TACC3: variants seen among roughly 807,000 people sequenced by gnomAD.
The protein encoded by TACC3 is transforming acidic coiled-coil-containing protein 3.
In TACC3, 52 loss-of-function variants were observed where a neutral mutation model predicts 86.0. The observed-to-expected ratio is 0.60, with a 90% confidence interval of 0.48 to 0.76. The LOEUF is 0.76. Among genes scored for constraint, TACC3 ranks in the 30% least tolerant of loss-of-function variants. TACC3 has a pLI of 0.00. For synonymous variants in TACC3, 512 were observed against 430.0 expected (o/e 1.19, Z -2.36); for missense variants, 1,120 against 1,070.4 (o/e 1.05, Z -0.65).
chr4:1,728,894 G>T, intron 4 of TACC3, 107 bp downstream of exon 4: 1 of 1,160,144 alleles, frequency 8.6e-7, no homozygotes, highest in Non-Finnish European at 1.2e-6. Flanking sequence ...CTTTGAGGCC[G>T]GGTAGGTTCT....
At chr4:1,740,705 A>C in intron 12 of TACC3, 121 bp from the exon 13 acceptor site, 1 of 837,672 alleles carries the variant, frequency 1.2e-6, no homozygotes, top group South Asian at 1.7e-5. Flanking sequence ...TCCGAGGCTC[A>C]CACCCACTGC....
At chr4:1,724,419 C>G in intron 3 of TACC3, among the ~76,000 whole-genome samples, 1 of 114,476 alleles carries the variant, frequency 8.7e-6, no homozygotes, top group Non-Finnish European at 1.7e-5. Flanking sequence ...GAGACAGAGT[C>G]TGGCTCTGTC....
chr4:1,735,602 TGGGTGACCGGGGGTGGGAGTGTGC>T lies in TACC3; in HGVS notation c.1645-104_1645-81del, dbSNP rs367567812. The T allele has an allele frequency of 7.9e-3, 6,477 of 816,884 alleles. 254 individuals are homozygous for T. In the African/African-American group the frequency reaches 0.084, roughly 11 times the overall value. The allele number at this position is 816,884 out of a possible 1,614,324, so 50.6% of individuals were successfully genotyped here. ...AATGGTGGTGTCTCGGGCAGGGTTG[TGGGTGACCGGGGGTGGGAGTGTGC>T]GGGTGACCGGGGGTGGGAGTGTGCA... On this transcript the variant is annotated intron_variant, in intron 7 of 15. Transcript: ENST00000313288. This position sits in a 1 kb window ranked among gnomAD's most constrained non-coding sequence, Gnocchi z 4.2.
At chr4:1,728,891 G>A (rs1232638555) in intron 4 of TACC3, 104 bp downstream of exon 4, 2 of 1,201,976 alleles carry the variant, frequency 1.7e-6, no homozygotes, top group Non-Finnish European at 2.3e-6. Flanking sequence ...CTCCTTTGAG[G>A]CCGGGTAGGT....
At chr4:1,736,520 G>A (rs752760564) in intron 8 of TACC3, among the ~76,000 whole-genome samples, 8 of 150,370 alleles carry the variant, frequency 5.3e-5, no homozygotes, top group Admixed American at 2.7e-4. Flanking sequence ...AAGTTTTATC[G>A]TCACAGAGCC....
intron 6 of TACC3, among the ~76,000 whole-genome samples, chr4:1,733,155 A>T (rs547565229): frequency 6.6e-6 from 1 of 152,008 alleles, no homozygotes; most frequent in Non-Finnish European, 1.5e-5. Flanking sequence ...TGCGGTTTTG[A>T]TTTGCAGTTC....
At chr4:1,734,799 A>G (rs935926638) in intron 6 of TACC3, among the ~76,000 whole-genome samples, 10 of 151,912 alleles carry the variant, frequency 6.6e-5, no homozygotes, top group Non-Finnish European at 1.2e-4. Flanking sequence ...GCCTCCCTGT[A>G]ATAGGAGTGC....
chr4:1,720,945 C>T (rs1717296818), upstream of TACC3: 3 of 910,666 alleles, frequency 3.3e-6, no homozygotes, highest in Non-Finnish European at 3.0e-6. The surrounding 1 kb of genome is among the most constrained non-coding windows in gnomAD (Gnocchi z 4.4). Flanking sequence ...CGCCCGGCCG[C>T]CCGCGGGGCA....
chr4:1,728,385 C>A lies in TACC3; in HGVS notation c.983C>A (p.Ala328Asp), dbSNP rs1717818709. The change falls in exon 4 of 16, where the codon GCC (alanine) becomes GAC (aspartate). Residue 328 changes from alanine (A) to aspartate (D), a missense_variant. Ala to Asp is a moderately radical substitution (Grantham distance 126, BLOSUM62 -2). Coordinates refer to ENST00000313288, the MANE Select transcript of TACC3 (RefSeq NM_006342.3). ...PQEEVAAGQM[A>D]SSSRSGPVKL... ...GAAGAAGTGGCTGCAGGCCAAATGG[C>A]CAGCTCCTCGAGGAGCGGACCTGTA... 1 of 1,613,060 alleles carries A rather than the reference C, an allele frequency of 6.2e-7. No individual in the cohort carries two copies. Among genetic ancestry groups the A allele is most frequent in the Non-Finnish European group, 8.5e-7 (1 of 1,180,004 alleles).
chr4:1,720,912 G>T (rs1346467948), upstream of TACC3: 1 of 1,288,638 alleles, frequency 7.8e-7, no homozygotes, highest in Non-Finnish European at 1.0e-6. The surrounding 1 kb of genome is among the most constrained non-coding windows in gnomAD (Gnocchi z 4.4). Flanking sequence ...CCCAGTCCCG[G>T]ACCTGTCGGT....
chr4:1,730,513 C>T (rs1406264324), intron 4 of TACC3: 5 of 403,390 alleles, frequency 1.2e-5, no homozygotes, highest in Non-Finnish European at 2.5e-5. Context: ...TGGTGTCTTG[C>T]CTTGGCCCCT....
chr4:1,723,368 A>G, intron 1 of TACC3, 53 bp from the exon 2 acceptor site: 2 of 1,577,768 alleles, frequency 1.3e-6, no homozygotes. Flanking sequence ...CTGTGTCTGG[A>G]CAATGTGGTA....
intron 3 of TACC3, among the ~76,000 whole-genome samples, chr4:1,726,466 ATC>A (rs1380354459): frequency 1.3e-5 from 2 of 152,190 alleles, no homozygotes; most frequent in East Asian, 3.8e-4. Flanking sequence ...CCCAGGACTG[ATC>A]TGTTGGGCAT....
Position 1,723,844 on chromosome 4 carries a change from A to C in TACC3, c.279A>C (p.Ser93=). 6.2e-7 allele frequency: 1 copy of C among 1,613,420 alleles called. No individual in the cohort carries two copies. Among genetic ancestry groups the C allele is most frequent in the Non-Finnish European group, 8.5e-7 (1 of 1,179,940 alleles). ...TQDDTLGLEN[S]HPVWTQKENQ... ...ATGACACCCTTGGACTGGAAAACTC[A>C]CACCCGGTCTGGACACAGAAAGAGA... The change falls in exon 3 of 16, where the codon TCA becomes TCC. Residue 93 remains serine, a synonymous_variant. Coordinates refer to ENST00000313288, the MANE Select transcript of TACC3 (RefSeq NM_006342.3).
chr4:1,723,553 G>A lies in TACC3; in HGVS notation c.132G>A (p.Val44=), dbSNP rs1020787438. The A allele has an allele frequency of 3.7e-6, 6 of 1,613,626 alleles. No individual in the cohort carries two copies. Among genetic ancestry groups the A allele is most frequent in the Non-Finnish European group, 4.2e-6 (5 of 1,179,904 alleles). Residue 44 remains valine, a synonymous_variant, in exon 2 of 16, where the codon GTG becomes GTA. Coordinates refer to ENST00000313288, the MANE Select transcript of TACC3 (RefSeq NM_006342.3). ...TTCGTGTGTCACAGAAAGAAAATGT[G>A]CCACCCAAGAACCTGGCCAAAGCTA... is the stretch of plus-strand genomic sequence containing the variant. The part of the protein sequence containing the change: ...SVLRVSQKEN[V]PPKNLAKAMK...
upstream of TACC3, chr4:1,721,449 C>G (rs955904829): frequency 2.0e-5 from 3 of 152,102 alleles, no homozygotes; most frequent in Non-Finnish European, 4.4e-5. Context: ...GCGGTCCTGC[C>G]CCCGGCCGCG....
intron 13 of TACC3, chr4:1,741,428 GTCC>G (rs1185614987): frequency 1.9e-5 from 3 of 153,960 alleles, no homozygotes; most frequent in Non-Finnish European, 2.9e-5. Flanking sequence ...CCACCCTGGT[GTCC>G]TCCTGGCCAC....
At chr4:1,722,244 T>G (rs1171744878) in intron 1 of TACC3, among the ~76,000 whole-genome samples, 1 of 152,188 alleles carries the variant, frequency 6.6e-6, no homozygotes. Context: ...AGGCTGGGTC[T>G]GCTGCTCTCC....
At chr4:1,720,689 G>A (rs764958908), upstream of TACC3, 1 of 1,552,602 alleles carries the variant, frequency 6.4e-7, no homozygotes, top group Non-Finnish European at 8.7e-7. This position sits in a 1 kb window ranked among gnomAD's most constrained non-coding sequence, Gnocchi z 4.4. Context: ...CAAGTGGAAG[G>A]GCACGAAGGC....
Sources: gnomAD v4.1 joint callset for allele counts (sites outside exome capture counted in the v4.1 genomes callset) on GRCh38, gnomAD v4.1.1 for gene constraint, Gnocchi (gnomAD v3.1) non-coding constraint, MANE v1.5 for transcripts, NCBI Gene and HGNC (gene_info 2026-07-23, HGNC 2026-07-21) for gene names.